The following NOX5 variants were observed in gnomAD, a reference collection of about 807,000 sequenced individuals.
The protein encoded by NOX5 is NADPH oxidase, EF-hand calcium binding domain 5.
In NOX5, 76 loss-of-function variants were observed where a neutral mutation model predicts 85.7. That is an observed-to-expected ratio of 0.89 (90% CI 0.74 to 1.07). The LOEUF is 1.07. NOX5 is among the 50% of genes least tolerant of loss of function. The pLI is 0.00. For synonymous variants in NOX5, 405 were observed against 401.4 expected (o/e 1.01, Z -0.11); for missense variants, 973 against 999.5 (o/e 0.97, Z 0.36).
At chr15:69,032,650 A>G (rs1327545163) in intron 4 of NOX5, among the ~76,000 whole-genome samples, 1 of 151,976 alleles carries the variant, frequency 6.6e-6, no homozygotes, top group Non-Finnish European at 1.5e-5. Flanking sequence ...ACCTCAGGTG[A>G]TCCGCCCGCC....
rs2050690100 is a variant in NOX5 at position 69,047,501 on chromosome 15, C to A, written c.1781C>A (p.Thr594Asn). 6.2e-7 allele frequency: 1 copy of A among 1,613,978 alleles called. No homozygotes were observed. The highest frequency in any genetic ancestry group is 8.5e-7 in the Non-Finnish European group (1 of 1,179,978). Reference sequence around the variant, plus strand: ...CTCATCGGGGCAGGCATCGGCATCACCCCCTTTGCTTCCATTCTGCAGAGT... The same window carrying A: ...CTCATCGGGGCAGGCATCGGCATCAACCCCTTTGCTTCCATTCTGCAGAGT... ...AVLIGAGIGI[T>N]PFASILQSIM... Residue 594 changes from threonine to asparagine, a missense_variant, in exon 12 of 16, where the codon ACC becomes AAC. By Grantham distance (65) the Thr-to-Asn change is moderately conservative (BLOSUM62 0). Transcript: ENST00000388866.
intron 1 of NOX5, among the ~76,000 whole-genome samples, chr15:69,020,613 T>A (rs2050284688): frequency 6.6e-6 from 1 of 151,500 alleles, no homozygotes; most frequent in African/African-American, 2.4e-5. Flanking sequence ...ATGGTAAAGA[T>A]GTAAATAAAT....
At position 69,033,171 on chromosome 15, in the gene NOX5, T is replaced by C; in HGVS notation, c.749T>C (p.Val250Ala). 6.3e-7 allele frequency: 1 copy of C among 1,587,530 alleles called. No individual in the cohort carries two copies. Among genetic ancestry groups the C allele is most frequent in the Non-Finnish European group, 8.5e-7 (1 of 1,174,110 alleles). Residue 250 changes from valine (V) to alanine (A), a missense_variant, in exon 5 of 16, where the codon GTG becomes GCG. By Grantham distance (64) the Val-to-Ala change is moderately conservative (BLOSUM62 0). Coordinates refer to ENST00000388866, the MANE Select transcript of NOX5 (RefSeq NM_024505.4). ...FCLATYAGLH[V>A]LLFGLAASAH... ...CTGGCCACCTATGCAGGCCTCCACGTGCTGCTCTTCGGGCTGGCGGCCAGC... is the reference window on the plus strand; with the variant it reads ...CTGGCCACCTATGCAGGCCTCCACGCGCTGCTCTTCGGGCTGGCGGCCAGC...
intron 10 of NOX5, among the ~76,000 whole-genome samples, chr15:69,043,262 C>A (rs911044954): frequency 1.3e-5 from 2 of 152,146 alleles, no homozygotes; most frequent in Non-Finnish European, 2.9e-5. Context: ...GGCCCCTCAT[C>A]ATCATCATCA....
At chr15:69,042,829 G>T in intron 10 of NOX5, 24 bp downstream of exon 10, 8 of 1,606,910 alleles carry the variant, frequency 5.0e-6, no homozygotes, top group Non-Finnish European at 5.9e-6. Flanking sequence ...GGAGGGAAGG[G>T]GTCCACTCTG....
At chr15:69,014,859 T>C in intron 1 of NOX5, 74 bp downstream of exon 1, 2 of 1,095,842 alleles carry the variant, frequency 1.8e-6, no homozygotes, top group Non-Finnish European at 2.7e-6. Flanking sequence ...TTGTGGGATC[T>C]ACAAAAGGTA....
At chr15:69,021,582 C>A (rs1221597561) in intron 1 of NOX5, among the ~76,000 whole-genome samples, 1 of 152,142 alleles carries the variant, frequency 6.6e-6, no homozygotes, top group East Asian at 1.9e-4. Flanking sequence ...TCCCAAAGTG[C>A]TGGGATTATA....
chr15:69,052,472 A>G (rs311925), intron 14 of NOX5, among the ~76,000 whole-genome samples: 123,210 of 152,184 alleles, frequency 0.81, 52,684 homozygotes, highest in Non-Finnish European at 0.95. Flanking sequence ...TATAATTTAT[A>G]CAAGAAGAAA....
rs1045447166 is a variant in NOX5, at chr15:69,046,823, G to T, written c.1649G>T (p.Gly550Val). ...TMRKSQRSSK[G>V]SEILLEKHKF... ...AACTCTCTGCTCTACTCCCTGCAGG[G>T]CTCTGAGATACTTTTGGAGAAACAC... The change falls in exon 11 of 16, where the codon GGC (glycine) becomes GTC (valine). Residue 550 changes from glycine (G) to valine (V), a missense_variant and splice_region_variant. Coordinates refer to ENST00000388866, the MANE Select transcript of NOX5 (RefSeq NM_024505.4). 7 of 1,613,524 alleles carry T rather than the reference G, an allele frequency of 4.3e-6. No individual in the cohort carries two copies. The highest frequency in any genetic ancestry group is 1.7e-5 in the Admixed American group (1 of 59,982).
chr15:69,055,000 G>T (rs766555234), intron 14 of NOX5, among the ~76,000 whole-genome samples: 6 of 152,148 alleles, frequency 3.9e-5, no homozygotes, highest in Non-Finnish European at 7.3e-5. Context: ...GAGGCGGGTG[G>T]ATTGCTTGAG....
intron 14 of NOX5, among the ~76,000 whole-genome samples, chr15:69,054,620 T>G (rs1012554868): frequency 1.3e-5 from 2 of 152,178 alleles, no homozygotes; most frequent in African/African-American, 4.8e-5. Context: ...CTCACACTAG[T>G]CCTTCTTAGC....
At position 69,038,893 on chromosome 15, in the gene NOX5, C is replaced by T. The variant is rs1044991006; in HGVS notation, c.1408C>T (p.His470Tyr). The T allele has an allele frequency of 6.2e-7, 1 of 1,614,030 alleles. No individual in the cohort carries two copies. The highest frequency in any genetic ancestry group is 8.5e-7 in the Non-Finnish European group (1 of 1,179,970). ...CCTCATCAAGCGGCCCCCTTTTTTT[C>T]ACTATAGACCTGGTGACTACTTGTA... ...HLLIKRPPFF[H>Y]YRPGDYLYLN... The change falls in exon 9 of 16, where the codon CAC becomes TAC. Residue 470 changes from histidine (H) to tyrosine (Y), a missense_variant. His to Tyr is a moderately conservative substitution (Grantham distance 83). Coordinates refer to ENST00000388866, the MANE Select transcript of NOX5 (RefSeq NM_024505.4).
chr15:69,022,925 G>T, intron 1 of NOX5: 1 of 492,090 alleles, frequency 2.0e-6, no homozygotes, highest in South Asian at 1.6e-5. Flanking sequence ...AAGTAGGGAC[G>T]AACAATCATC....
chr15:69,047,539 T>G lies in NOX5; in HGVS notation c.1817+2T>G. On this transcript the variant is annotated splice_donor_variant, in intron 12 of 15. Coordinates refer to ENST00000388866, the MANE Select transcript of NOX5 (RefSeq NM_024505.4). LOFTEE classifies it high-confidence loss of function. ...CATTCTGCAGAGTATCATGTACAGG[T>G]GGGTGAACAGTGTGCTCCTGCCTGC... 1 of 1,613,292 alleles carries G rather than the reference T, an allele frequency of 6.2e-7. No individual in the cohort carries two copies. The highest frequency in any genetic ancestry group is 8.5e-7 in the Non-Finnish European group (1 of 1,179,680).
In NOX5 at chr15:69,057,878, CTGTT is replaced by C. The variant is rs1356442010; in HGVS notation, c.*1185_*1188del. On this transcript the variant is annotated 3_prime_UTR_variant, in exon 16 of 16. Coordinates refer to ENST00000388866, the MANE Select transcript of NOX5 (RefSeq NM_024505.4). Reference sequence around the variant, plus strand: ...TCCCTCTGTCTCTGTTTTCCAGCCTCTGTTTGCGTCTGTCCCTGTCTGGGCAGGA... The same window carrying C: ...TCCCTCTGTCTCTGTTTTCCAGCCTCTGCGTCTGTCCCTGTCTGGGCAGGA... 1 of 152,368 alleles carries C rather than the reference CTGTT, an allele frequency of 6.6e-6. No homozygotes were observed. The highest frequency in any genetic ancestry group is 1.5e-5 in the Non-Finnish European group (1 of 68,148). The allele number at this position is 152,368 out of a possible 1,614,324, so 9.4% of individuals were successfully genotyped here.
rs1454080743 is a variant in NOX5, at chr15:69,048,850, T to C, written c.1900-109T>C. 1.5e-5 allele frequency: 10 copies of C among 683,686 alleles called. No homozygotes were observed. The East Asian group carries it at 2.0e-4, about 13-fold the overall frequency. The allele number at this position is 683,686 out of a possible 1,614,324, so 42.4% of individuals were successfully genotyped here. On this transcript the variant is annotated intron_variant, in intron 13 of 15. Coordinates refer to ENST00000388866, the MANE Select transcript of NOX5 (RefSeq NM_024505.4). ...TCCCTCCCTTAAATGGGTATCTGAA[T>C]GTTCCCTGCTTACTTCAGGGTGGTC... is the stretch of plus-strand genomic sequence containing the variant.
chr15:69,031,963 G>A lies in NOX5; in HGVS notation c.620+151G>A, dbSNP rs1352022415. On this transcript the variant is annotated intron_variant, in intron 4 of 15. Coordinates refer to ENST00000388866, the MANE Select transcript of NOX5 (RefSeq NM_024505.4). ...AGCCCACTCTTGAGTGTACTGCAGGGCAGCTGTCTTCATTGCCTCCACTTC... is the reference window on the plus strand; with the variant it reads ...AGCCCACTCTTGAGTGTACTGCAGGACAGCTGTCTTCATTGCCTCCACTTC... 5 of 779,210 alleles carry A rather than the reference G, an allele frequency of 6.4e-6. No individual in the cohort carries two copies. The African/African-American group carries it at 8.7e-5, about 14-fold the overall frequency. The allele number at this position is 779,210 out of a possible 1,614,324, so 48.3% of individuals were successfully genotyped here.
intron 4 of NOX5, among the ~76,000 whole-genome samples, chr15:69,032,620 A>G (rs1193385131): frequency 1.3e-5 from 2 of 152,048 alleles, no homozygotes; most frequent in African/African-American, 4.8e-5. Flanking sequence ...CATCTTGGCC[A>G]GGCTGGTCTC....
chr15:69,046,890 T>A (rs1235981131), intron 11 of NOX5, 24 bp downstream of exon 11: 1 of 1,612,200 alleles, frequency 6.2e-7, no homozygotes, highest in Non-Finnish European at 8.5e-7. Context: ...GGGGTGGACG[T>A]GAGCAATAAT....
Sources: gnomAD v4.1 joint callset for allele counts (sites outside exome capture counted in the v4.1 genomes callset) on GRCh38, gnomAD v4.1.1 for gene constraint, MANE v1.5 for transcripts, NCBI Gene and HGNC (gene_info 2026-07-23, HGNC 2026-07-21) for gene names.